Variants in SLCO3A1 observed in about 807,000 individuals in gnomAD.
The protein encoded by SLCO3A1 is solute carrier organic anion transporter family member 3A1, also known as PGE1 transporter.
A neutral mutation model predicts 63.1 loss-of-function variants in SLCO3A1; 27 were observed. That is an observed-to-expected ratio of 0.43 (90% CI 0.32 to 0.59). The LOEUF (loss-of-function observed/expected upper bound fraction) is 0.59. SLCO3A1 is among the 20% of genes least tolerant of loss of function. The probability of loss-of-function intolerance (pLI) is 0.09; values close to 1 mark genes in which losing one functional copy is unlikely to be tolerated. For missense variants in SLCO3A1, 773 were observed against 945.8 expected, an observed-to-expected ratio of 0.82 and a Z score of 2.40; for synonymous variants, 473 against 409.9, an observed-to-expected ratio of 1.15 and a Z score of -1.86.
At chr15:92,157,873 C>T (rs1596156422) in intron 9 of SLCO3A1, among the ~76,000 whole-genome samples, 1 of 152,212 alleles carries the variant, frequency 6.6e-6, no homozygotes, top group East Asian at 1.9e-4. Context: ...ATGATCGTGC[C>T]CATTGTATAA....
rs925973258 is a variant in SLCO3A1, at chr15:91,968,743, G to A, written c.646+52285G>A. ...GTGCTCACACAGCCGCAGTATTTAC[G>A]GCACTCACGACGTGTCCAGCTTCTT... On this transcript the variant is annotated intron_variant, in intron 2 of 9. Coordinates refer to ENST00000318445, the MANE Select transcript of SLCO3A1 (RefSeq NM_013272.4). The surrounding 1 kb of genome is among the most constrained non-coding windows in gnomAD (Gnocchi z 4.2). Among the ~76,000 whole-genome samples, 1 of 152,208 alleles carries A rather than the reference G, an allele frequency of 6.6e-6. No homozygotes were observed. The highest frequency in any genetic ancestry group is 1.5e-5 in the Non-Finnish European group (1 of 68,040).
In SLCO3A1 at chr15:92,163,426, TGCAA is replaced by T; in HGVS notation, c.*296_*299del. The T allele has an allele frequency of 9.3e-7, 1 of 1,074,796 alleles. No homozygotes were observed. Among genetic ancestry groups the T allele is most frequent in the East Asian group, 6.1e-5 (1 of 16,274 alleles). 66.6% of individuals were successfully genotyped at this position (1,074,796 alleles called of 1,614,324 possible). ...TCATGGTTTTCAGGATGCTGACAGC[TGCAA>T]GCAACAGGCACTGCCAAATTCAGGG... On this transcript the variant is annotated 3_prime_UTR_variant, in exon 10 of 10. Transcript: ENST00000318445.
intron 4 of SLCO3A1, among the ~76,000 whole-genome samples, chr15:92,107,570 G>T (rs575980604): frequency 1.3e-5 from 2 of 152,204 alleles, no homozygotes; most frequent in Admixed American, 1.3e-4. Flanking sequence ...GCTGAACGGC[G>T]TTGCATGTAT....
rs2048475060 is a variant in SLCO3A1, at chr15:92,164,317, A to G, written c.*1182A>G. On this transcript the variant is annotated 3_prime_UTR_variant, in exon 10 of 10. Coordinates refer to ENST00000318445, the MANE Select transcript of SLCO3A1 (RefSeq NM_013272.4). ...AATATACAATGTGTTACAAGAAGAA[A>G]AAAAAATGCTTCAAAAAGAGAGTGT... 1.0e-6 allele frequency: 1 copy of G among 985,194 alleles called. No homozygotes were observed. The allele number at this position is 985,194 out of a possible 1,614,324, so 61.0% of individuals were successfully genotyped here.
At chr15:91,935,613 C>T (rs575454286) in intron 2 of SLCO3A1, among the ~76,000 whole-genome samples, 3 of 152,280 alleles carry the variant, frequency 2.0e-5, no homozygotes, top group Admixed American at 2.0e-4. Context: ...CAGCTTTTTC[C>T]TCTCTTCTGA....
intron 2 of SLCO3A1, among the ~76,000 whole-genome samples, chr15:91,976,523 A>G (rs28653611): frequency 0.025 from 3,734 of 152,222 alleles, 155 homozygotes; most frequent in African/African-American, 0.084. Flanking sequence ...TGTACGTGCC[A>G]TTGGGCTTCG....
intron 2 of SLCO3A1, among the ~76,000 whole-genome samples, chr15:91,982,829 A>G (rs1363084400): frequency 6.6e-6 from 1 of 152,242 alleles, no homozygotes; most frequent in East Asian, 1.9e-4. Context: ...GGGCTTGCCC[A>G]AGGCCACTCA....
rs1897372820 is a variant in SLCO3A1 at position 91,875,321 on chromosome 15, A to C, written c.180+21233A>C. Among the ~76,000 whole-genome samples the C allele has an allele frequency of 6.6e-6, 1 of 151,330 alleles. No individual in the cohort carries two copies. The highest frequency in any genetic ancestry group is 1.5e-5 in the Non-Finnish European group (1 of 67,866). On this transcript the variant is annotated intron_variant, in intron 1 of 9. Transcript: ENST00000318445. The surrounding 1 kb of genome is among the most constrained non-coding windows in gnomAD (Gnocchi z 4.5). ...GCCACTCCTGCCTCCCTTTCCTCTGACCCTCCCCTCCCACTGTGGATCATG... is the reference window on the plus strand; with the variant it reads ...GCCACTCCTGCCTCCCTTTCCTCTGCCCCTCCCCTCCCACTGTGGATCATG...
intron 2 of SLCO3A1, among the ~76,000 whole-genome samples, chr15:91,963,919 T>C (rs1900558849): frequency 6.6e-6 from 1 of 152,114 alleles, no homozygotes; most frequent in Non-Finnish European, 1.5e-5. Context: ...TTTATTCCCT[T>C]ATTTGGCCCC....
chr15:92,087,475 CCACAAA>C (rs1250101312), intron 2 of SLCO3A1, among the ~76,000 whole-genome samples: 2 of 151,912 alleles, frequency 1.3e-5, no homozygotes, highest in African/African-American at 4.8e-5. Flanking sequence ...TTGCTACATT[CCACAAA>C]CACAAAATGT....
intron 2 of SLCO3A1, among the ~76,000 whole-genome samples, chr15:92,087,592 C>T (rs931943640): frequency 6.8e-6 from 1 of 147,448 alleles, no homozygotes; most frequent in African/African-American, 2.5e-5. Flanking sequence ...TATCTTGGCT[C>T]ACCTCAACCT....
intron 2 of SLCO3A1, among the ~76,000 whole-genome samples, chr15:91,917,595 C>G (rs1898705108): frequency 1.3e-5 from 2 of 152,140 alleles, no homozygotes; most frequent in African/African-American, 2.4e-5. Flanking sequence ...AAGGAATGCG[C>G]CTCTCCATTC....
chr15:92,018,320 G>C (rs2046464333), intron 2 of SLCO3A1, among the ~76,000 whole-genome samples: 1 of 152,208 alleles, frequency 6.6e-6, no homozygotes, highest in Non-Finnish European at 1.5e-5. Flanking sequence ...ACTGTGCACA[G>C]TAGTCCTTGA....
chr15:91,961,800 C>T (rs558880480), intron 2 of SLCO3A1, among the ~76,000 whole-genome samples: 1 of 152,218 alleles, frequency 6.6e-6, no homozygotes, highest in Non-Finnish European at 1.5e-5. Flanking sequence ...TCATTCCTCA[C>T]CAGAATGCCA....
intron 2 of SLCO3A1, among the ~76,000 whole-genome samples, chr15:91,921,742 T>A (rs1898852555): frequency 6.6e-6 from 1 of 151,914 alleles, no homozygotes; most frequent in Admixed American, 6.6e-5. Flanking sequence ...TTTTTTATTC[T>A]TTTTTGACAT....
At chr15:91,933,838 A>T (rs1258992119) in intron 2 of SLCO3A1, among the ~76,000 whole-genome samples, 1 of 152,208 alleles carries the variant, frequency 6.6e-6, no homozygotes, top group East Asian at 1.9e-4. Flanking sequence ...CTGCTGTTAA[A>T]TGCCACATTA....
At position 91,948,961 on chromosome 15, in the gene SLCO3A1, A is replaced by G. The variant is rs1274960698; in HGVS notation, c.646+32503A>G. 6.6e-6 allele frequency among the ~76,000 whole-genome samples: 1 copy of G among 150,790 alleles called. No individual in the cohort carries two copies. The highest frequency in any genetic ancestry group is 6.6e-5 in the Admixed American group (1 of 15,136). On this transcript the variant is annotated intron_variant, in intron 2 of 9. Coordinates refer to ENST00000318445, the MANE Select transcript of SLCO3A1 (RefSeq NM_013272.4). This position sits in a 1 kb window ranked among gnomAD's most constrained non-coding sequence, Gnocchi z 4.8. ...TTTTACTATTATTTCTGCTTACCTC[A>G]CCTTTTGGGGGAATCATTCCCTCCA... is the stretch of plus-strand genomic sequence containing the variant.
intron 2 of SLCO3A1, among the ~76,000 whole-genome samples, chr15:92,053,612 A>C (rs1176031738): frequency 2.6e-5 from 4 of 151,478 alleles, no homozygotes; most frequent in Non-Finnish European, 5.9e-5. Context: ...GATGCCCTTG[A>C]CAGCGTTGAG....
At chr15:91,915,912 G>A in intron 1 of SLCO3A1, 81 bp from the exon 2 acceptor site, 7 of 1,216,156 alleles carry the variant, frequency 5.8e-6, no homozygotes, top group Non-Finnish European at 8.3e-6. Flanking sequence ...GGGATGGGCA[G>A]AGCGCACTGT....
Sources: allele counts gnomAD v4.1 joint callset (sites outside exome capture counted in the v4.1 genomes callset), GRCh38; gene constraint gnomAD v4.1.1; non-coding constraint Gnocchi (gnomAD v3.1); transcripts MANE v1.5; gene names NCBI Gene and HGNC (gene_info 2026-07-23, HGNC 2026-07-21).